The following BCKDHB variants were observed in gnomAD, a reference collection of about 807,000 sequenced individuals.
The protein encoded by BCKDHB is 2-oxoisovalerate dehydrogenase subunit beta, mitochondrial.
BCKDHB carries 41 observed loss-of-function variants against 48.5 expected under a neutral mutation model. The ratio of observed to expected loss-of-function variants is 0.85; its 90% CI spans 0.66 to 1.10. The LOEUF (loss-of-function observed/expected upper bound fraction) is 1.10. Ranked by LOEUF, BCKDHB falls within the 50% of genes least tolerant of loss-of-function variation. The pLI is 0.00. For missense variants in BCKDHB, 496 were observed against 494.2 expected, an observed-to-expected ratio of 1.00 and a Z score of -0.03; for synonymous variants, 201 against 174.8, an observed-to-expected ratio of 1.15 and a Z score of -1.18.
At chr6:80,342,023 A>G (rs1460774295) in intron 9 of BCKDHB, among the ~76,000 whole-genome samples, 1 of 152,184 alleles carries the variant, frequency 6.6e-6, no homozygotes, top group East Asian at 1.9e-4. Context: ...GAATACCAAC[A>G]CTTATTTGGT....
At chr6:80,407,699 G>A in the BCKDHB span, among the ~76,000 whole-genome samples, 1 of 152,138 alleles carries the variant, frequency 6.6e-6, no homozygotes, top group Non-Finnish European at 1.5e-5. Flanking sequence ...TTTGCACATT[G>A]ATTTTGTATC....
chr6:80,221,350 T>A (rs1470756466), intron 8 of BCKDHB, among the ~76,000 whole-genome samples: 1 of 152,208 alleles, frequency 6.6e-6, no homozygotes, highest in Non-Finnish European at 1.5e-5. Flanking sequence ...GTTACAGGTT[T>A]TTCCTTTTGT....
chr6:80,230,023 G>GTTTTTT lies in BCKDHB; in HGVS notation c.951+26813_951+26814insTTTTTT, dbSNP rs1215666594. ...ATTTGAATTCCAAAGGGGTTTTTAG[G>GTTTTTT]TTGTTTTTTTTTTTTTTTTTTTTTT... On this transcript the variant is annotated intron_variant, in intron 8 of 9. Coordinates refer to ENST00000320393, the MANE Select transcript of BCKDHB (RefSeq NM_183050.4). Among the ~76,000 whole-genome samples, 111 of 89,448 alleles carry GTTTTTT rather than the reference G, an allele frequency of 1.2e-3. 1 individual carries two copies. The highest frequency in any genetic ancestry group is 4.4e-3 in the African/African-American group (78 of 17,616). 58.7% of individuals were successfully genotyped at this position (89,448 alleles called of 152,430 possible).
chr6:80,291,513 A>G (rs1227064800), intron 9 of BCKDHB, among the ~76,000 whole-genome samples: 5 of 152,240 alleles, frequency 3.3e-5, no homozygotes, highest in Non-Finnish European at 5.9e-5. Context: ...AAGATCAGCA[A>G]AATTATCCCA....
chr6:80,293,910 CCAA>C (rs1160743239), intron 9 of BCKDHB, among the ~76,000 whole-genome samples: 2 of 152,154 alleles, frequency 1.3e-5, no homozygotes, highest in Non-Finnish European at 2.9e-5. Context: ...ACACCATTTC[CCAA>C]CAAGTTCTTC....
the BCKDHB span, among the ~76,000 whole-genome samples, chr6:80,400,605 CAT>C: frequency 1.3e-5 from 2 of 152,008 alleles, no homozygotes; most frequent in African/African-American, 4.8e-5. Flanking sequence ...AAAGGGAACA[CAT>C]ATACTGTTGG....
At position 80,343,795 on chromosome 6, in the gene BCKDHB, CA is replaced by C. The variant is rs1770044860; in HGVS notation, c.1172del (p.Asn391ThrfsTer11). On this transcript the variant is annotated frameshift_variant, in exon 10 of 10. Coordinates refer to ENST00000320393, the MANE Select transcript of BCKDHB (RefSeq NM_183050.4). LOFTEE classifies it high-confidence loss of function. ...KCYDALRKMI[N>X]Y ...GTTATGATGCCCTTCGAAAAATGATCAACTATTGACCATATAGGTAGGTATG... is the reference window on the plus strand; with the variant it reads ...GTTATGATGCCCTTCGAAAAATGATCACTATTGACCATATAGGTAGGTATG... 4 of 1,613,866 alleles carry C rather than the reference CA, an allele frequency of 2.5e-6. No individual in the cohort carries two copies. The highest frequency in any genetic ancestry group is 3.4e-6 in the Non-Finnish European group (4 of 1,179,942).
intron 1 of BCKDHB, among the ~76,000 whole-genome samples, chr6:80,117,375 G>A (rs1342430973): frequency 6.6e-6 from 1 of 152,178 alleles, no homozygotes; most frequent in Admixed American, 6.5e-5. Context: ...AACTTGCTGA[G>A]CATCAGTGCA....
At chr6:80,354,687 T>A in the BCKDHB span, among the ~76,000 whole-genome samples, 1 of 152,248 alleles carries the variant, frequency 6.6e-6, no homozygotes, top group Non-Finnish European at 1.5e-5. Flanking sequence ...TTGATTTTTG[T>A]ATACAGTGAT....
At chr6:80,275,910 A>T (rs916546302) in intron 9 of BCKDHB, among the ~76,000 whole-genome samples, 1 of 151,942 alleles carries the variant, frequency 6.6e-6, no homozygotes. Context: ...TTCACCACTT[A>T]GCATGATTCA....
chr6:80,355,264 G>A, the BCKDHB span, among the ~76,000 whole-genome samples: 1 of 152,030 alleles, frequency 6.6e-6, no homozygotes, highest in South Asian at 2.1e-4. Flanking sequence ...ACTGGGCATG[G>A]TGGTACACGC....
chr6:80,250,067 G>A (rs1445586089), intron 8 of BCKDHB, among the ~76,000 whole-genome samples: 1 of 152,018 alleles, frequency 6.6e-6, no homozygotes, highest in African/African-American at 2.4e-5. Flanking sequence ...GTGGTGTAGA[G>A]TGTGGGCTGG....
chr6:80,443,011 G>A, the BCKDHB span, among the ~76,000 whole-genome samples: 1 of 152,290 alleles, frequency 6.6e-6, no homozygotes, highest in African/African-American at 2.4e-5. Flanking sequence ...ATATCAGTGT[G>A]TGGCTGGGGT....
At chr6:80,351,178 T>C (rs192312150), downstream of BCKDHB, among the ~76,000 whole-genome samples, 2 of 152,226 alleles carry the variant, frequency 1.3e-5, no homozygotes, top group Non-Finnish European at 2.9e-5. Flanking sequence ...GAGTCCTTCA[T>C]ATAGGGCTAA....
intron 8 of BCKDHB, among the ~76,000 whole-genome samples, chr6:80,257,173 G>A (rs1222613797): frequency 6.6e-6 from 1 of 152,030 alleles, no homozygotes; most frequent in Non-Finnish European, 1.5e-5. Context: ...CTGAAGCACA[G>A]CAGTGAAAAA....
At chr6:80,425,893 A>T in the BCKDHB span, among the ~76,000 whole-genome samples, 1 of 152,316 alleles carries the variant, frequency 6.6e-6, no homozygotes, top group Middle Eastern at 3.4e-3. Context: ...GCTGAGGGTA[A>T]TATTTTTTTC....
At chr6:80,333,128 A>T (rs896618931) in intron 9 of BCKDHB, among the ~76,000 whole-genome samples, 1 of 152,164 alleles carries the variant, frequency 6.6e-6, no homozygotes, top group Admixed American at 6.5e-5. Flanking sequence ...AGGTACAATA[A>T]TAGCACTAAG....
the BCKDHB span, among the ~76,000 whole-genome samples, chr6:80,435,298 T>C: frequency 1.3e-5 from 2 of 152,204 alleles, no homozygotes; most frequent in African/African-American, 4.8e-5. Context: ...TTAACTCTTA[T>C]TTGTTGTTTA....
At chr6:80,342,549 C>G (rs1234603327) in intron 9 of BCKDHB, among the ~76,000 whole-genome samples, 1 of 49,044 alleles carries the variant, frequency 2.0e-5, no homozygotes, top group Non-Finnish European at 3.8e-5. Context: ...AAGAAGACCT[C>G]ATTTCTGAAA....
Sources: gnomAD v4.1 joint callset for allele counts (sites outside exome capture counted in the v4.1 genomes callset) on GRCh38, gnomAD v4.1.1 for gene constraint, MANE v1.5 for transcripts, NCBI Gene and HGNC (gene_info 2026-07-23, HGNC 2026-07-21) for gene names.